Variants in NSUN3 observed in about 807,000 individuals in gnomAD.
NSUN3 encodes NOP2/Sun RNA methyltransferase 3.
NSUN3 carries 24 observed loss-of-function variants against 36.8 expected under a neutral mutation model. The observed-to-expected ratio is 0.65, with a 90% CI of 0.47 to 0.92. The LOEUF is 0.92. NSUN3 is among the 40% of genes least tolerant of loss of function. NSUN3 has a pLI of 0.00. For missense variants in NSUN3, 381 were observed against 392.8 expected (o/e 0.97, Z 0.25); for synonymous variants, 146 against 145.2 (o/e 1.01, Z -0.04).
intron 2 of NSUN3, among the ~76,000 whole-genome samples, chr3:94,072,958 C>T (rs1222416661): frequency 6.6e-6 from 1 of 152,138 alleles, no homozygotes; most frequent in East Asian, 1.9e-4. Context: ...CCCCCAGCCC[C>T]TCACCACCCG....
chr3:94,064,997 A>G (rs926613360), intron 2 of NSUN3, among the ~76,000 whole-genome samples: 5 of 152,178 alleles, frequency 3.3e-5, no homozygotes, highest in Non-Finnish European at 5.9e-5. Flanking sequence ...ATGGCTGGGT[A>G]TATTTTGAAC....
chr3:94,102,717 A>G (rs1320036637), intron 5 of NSUN3, among the ~76,000 whole-genome samples: 1 of 152,134 alleles, frequency 6.6e-6, no homozygotes, highest in Non-Finnish European at 1.5e-5. Context: ...ATTCAATGAA[A>G]TGATAAAAGA....
intron 3 of NSUN3, among the ~76,000 whole-genome samples, chr3:94,088,222 C>G (rs2077300597): frequency 6.6e-6 from 1 of 152,128 alleles, no homozygotes; most frequent in African/African-American, 2.4e-5. Flanking sequence ...AAATAATAAC[C>G]ATTTTGTAAC....
intron 2 of NSUN3, among the ~76,000 whole-genome samples, chr3:94,080,440 C>G (rs890320722): frequency 1.4e-4 from 21 of 152,204 alleles, no homozygotes; most frequent in African/African-American, 5.1e-4. Flanking sequence ...AGACACTGTG[C>G]TGGGAGGTCC....
Position 94,094,212 on chromosome 3 carries a change from C to T in NSUN3, c.539C>T (p.Pro180Leu), listed in dbSNP as rs760142225. 5.6e-6 allele frequency: 9 copies of T among 1,613,282 alleles called. No individual in the cohort carries two copies. The East Asian group carries it at 2.0e-4, about 36-fold the overall frequency. The change falls in exon 4 of 6, where the codon CCA (proline) becomes CTA (leucine). Residue 180 changes from proline (P) to leucine (L), a missense_variant. Coordinates refer to ENST00000314622, the MANE Select transcript of NSUN3 (RefSeq NM_022072.5). Reference protein sequence around the residue: ...WLRQTLESFIPQPLINVIKVS... With the variant: ...WLRQTLESFILQPLINVIKVS... ...AGGCAGACGTTGGAATCTTTCATCCCACAGCCTTTGATAAATGTAATTAAA... is the reference window on the plus strand; with the variant it reads ...AGGCAGACGTTGGAATCTTTCATCCTACAGCCTTTGATAAATGTAATTAAA...
chr3:94,082,683 C>CGG (rs2077274809), intron 2 of NSUN3, among the ~76,000 whole-genome samples: 1 of 152,050 alleles, frequency 6.6e-6, no homozygotes, highest in African/African-American at 2.4e-5. Flanking sequence ...CTAGAAAGGT[C>CGG]GGCTAGTAAA....
chr3:94,110,391 A>G (rs1183904857), intron 5 of NSUN3, among the ~76,000 whole-genome samples: 2 of 152,090 alleles, frequency 1.3e-5, no homozygotes, highest in Non-Finnish European at 2.9e-5. Context: ...GTTATCAGTG[A>G]TAACTTTGGG....
In NSUN3 at chr3:94,106,509, G is replaced by A. The variant is rs375171852; in HGVS notation, c.743+11355G>A. Among the ~76,000 whole-genome samples the A allele has an allele frequency of 5.5e-4, 84 of 152,216 alleles. 1 individual carries two copies. The highest frequency in any genetic ancestry group is 1.9e-3 in the Admixed American group (29 of 15,292). ...AAATAATACTTTTAAAACTGATGAC[G>A]GCATTAGGTAACTATCAACCTAGAA... On this transcript the variant is annotated intron_variant, in intron 5 of 5. Transcript: ENST00000314622.
At chr3:94,088,950 T>G (rs2077304198) in intron 3 of NSUN3, among the ~76,000 whole-genome samples, 2 of 152,214 alleles carry the variant, frequency 1.3e-5, no homozygotes, top group Non-Finnish European at 1.5e-5. Flanking sequence ...ATTACAGGCA[T>G]GAGCCCCCAC....
chr3:94,078,943 G>A (rs113000201), intron 2 of NSUN3, among the ~76,000 whole-genome samples: 5,034 of 152,066 alleles, frequency 0.033, 136 homozygotes, highest in Non-Finnish European at 0.055. Context: ...AGGTAATATC[G>A]TTATGTGTGA....
chr3:94,092,333 C>T (rs1243256680), intron 3 of NSUN3, among the ~76,000 whole-genome samples: 1 of 152,186 alleles, frequency 6.6e-6, no homozygotes, highest in African/African-American at 2.4e-5. Flanking sequence ...CTGTATCTAT[C>T]ATGCTACTTC....
rs149708040 is a variant in NSUN3, at chr3:94,071,967, G to T, written c.122+7421G>T. 1.9e-3 allele frequency among the ~76,000 whole-genome samples: 289 copies of T among 152,300 alleles called. 1 individual carries two copies. In the East Asian group the frequency reaches 0.027, roughly 14 times the overall value. Reference sequence around the variant, plus strand: ...GTATGTGTGTGTGTTGTGGGGAGGAGAATGGAGGTCAGTGGCAGGTGTGTG... The same window carrying T: ...GTATGTGTGTGTGTTGTGGGGAGGATAATGGAGGTCAGTGGCAGGTGTGTG... On this transcript the variant is annotated intron_variant, in intron 2 of 5. Coordinates refer to ENST00000314622, the MANE Select transcript of NSUN3 (RefSeq NM_022072.5).
chr3:94,112,887 C>G, intron 5 of NSUN3, among the ~76,000 whole-genome samples: 1 of 151,520 alleles, frequency 6.6e-6, no homozygotes. Context: ...TTTTTTGAGA[C>G]GGAGTCTTGC....
At chr3:94,084,917 C>T (rs1289102997) in intron 3 of NSUN3, 1 of 152,212 alleles carries the variant, frequency 6.6e-6, no homozygotes, top group African/African-American at 2.4e-5. Context: ...TTAAGTAGTT[C>T]CATTTTAAAA....
At chr3:94,112,637 G>C (rs1447531110) in intron 5 of NSUN3, among the ~76,000 whole-genome samples, 1 of 152,150 alleles carries the variant, frequency 6.6e-6, no homozygotes, top group Admixed American at 6.5e-5. Flanking sequence ...GTAGGAAGGA[G>C]TCAAAGCATA....
intron 5 of NSUN3, among the ~76,000 whole-genome samples, chr3:94,112,826 T>G (rs962976612): frequency 1.3e-5 from 2 of 152,194 alleles, no homozygotes; most frequent in Non-Finnish European, 2.9e-5. Context: ...AGTTGGAAAT[T>G]CCTTGATCAG....
chr3:94,095,183 T>C (rs1369617668), intron 5 of NSUN3, 29 bp downstream of exon 5: 1 of 1,606,414 alleles, frequency 6.2e-7, no homozygotes, highest in East Asian at 2.2e-5. Flanking sequence ...AAAGTGTATT[T>C]TGGTGTCTGA....
intron 5 of NSUN3, among the ~76,000 whole-genome samples, chr3:94,110,735 T>TAC (rs145414941): frequency 0.042 from 6,072 of 143,022 alleles, 149 homozygotes; most frequent in African/African-American, 0.067. Flanking sequence ...TATACATGTA[T>TAC]ACACACACAC....
chr3:94,126,155 C>CT, intron 5 of NSUN3, 56 bp from the exon 6 acceptor site: 2 of 1,471,390 alleles, frequency 1.4e-6, no homozygotes, highest in South Asian at 2.7e-5. Context: ...GTCAGACCCC[C>CT]TGGTTTCTTT....
Sources: allele counts gnomAD v4.1 joint callset (sites outside exome capture counted in the v4.1 genomes callset), GRCh38; gene constraint gnomAD v4.1.1; transcripts MANE v1.5; gene names NCBI Gene and HGNC (gene_info 2026-07-23, HGNC 2026-07-21).